The following ALG13 variants were observed in gnomAD, a reference collection of about 807,000 sequenced individuals.
ALG13 encodes the protein UDP-N-acetylglucosamine transferase subunit ALG13.
Under a neutral mutation model 87.8 loss-of-function variants are expected in ALG13, and 11 were observed. The observed-to-expected ratio is 0.13, with a 90% CI of 0.08 to 0.21. The LOEUF (loss-of-function observed/expected upper bound fraction) is 0.21. ALG13 is among the 10% of genes least tolerant of loss of function. The pLI is 1.00. For missense variants in ALG13, 756 were observed against 866.1 expected (o/e 0.87, Z 1.60); for synonymous variants, 320 against 306.3 (o/e 1.04, Z -0.47).
At chrX:111,733,054 A>G (rs1481980077) in intron 21 of ALG13, among the ~76,000 whole-genome samples, 1 of 111,656 alleles carries the variant, frequency 9.0e-6, no homozygotes, top group Non-Finnish European at 1.9e-5. Context: ...CACCAAATCC[A>G]TAGCAAATTT....
At position 111,714,680 on chromosome X, in the gene ALG13, A is replaced by C. The variant is rs186109648; in HGVS notation, c.1005+1383A>C. Among the ~76,000 whole-genome samples the C allele has an allele frequency of 2.5e-3, 276 of 111,931 alleles. 3 individuals are homozygous for C. The highest frequency in any genetic ancestry group is 8.7e-3 in the African/African-American group (267 of 30,810). On this transcript the variant is annotated intron_variant, in intron 8 of 26. Coordinates refer to ENST00000394780, the MANE Select transcript of ALG13 (RefSeq NM_001099922.3). ...AAGTTAAAAGAATTTTACAGTGAGC[A>C]TCCATATACCTACCCACCACCTAGA...
chrX:111,707,108 A>C (rs943617962), intron 3 of ALG13, among the ~76,000 whole-genome samples: 3 of 111,460 alleles, frequency 2.7e-5, no homozygotes, highest in Non-Finnish European at 5.7e-5. Context: ...TAAAACAAGC[A>C]ATTGGGCCTG....
At chrX:111,728,875 A>C (rs373651882) in intron 19 of ALG13, among the ~76,000 whole-genome samples, 1 of 111,615 alleles carries the variant, frequency 9.0e-6, no homozygotes, top group African/African-American at 3.3e-5. Context: ...TGAGATTCAG[A>C]GGGTAAATGA....
At chrX:111,702,322 A>G (rs969884963) in intron 3 of ALG13, among the ~76,000 whole-genome samples, 1 of 111,172 alleles carries the variant, frequency 9.0e-6, no homozygotes, top group African/African-American at 3.3e-5. Context: ...TTTCCTTCCT[A>G]TCCTCCTAAT....
intron 23 of ALG13, among the ~76,000 whole-genome samples, chrX:111,739,647 A>G (rs1244414172): frequency 8.9e-6 from 1 of 112,490 alleles, no homozygotes; most frequent in Non-Finnish European, 1.9e-5. Flanking sequence ...TATGTGAACC[A>G]GCAATTTTGT....
chrX:111,750,187 TCTA>T (rs1178944562), intron 24 of ALG13, among the ~76,000 whole-genome samples: 5 of 111,622 alleles, frequency 4.5e-5, no homozygotes, highest in African/African-American at 1.6e-4. Flanking sequence ...CCATCTAAGT[TCTA>T]CTAACCCCGA....
chrX:111,707,928 G>A, intron 3 of ALG13, 99 bp from the exon 4 acceptor site: 1 of 925,639 alleles, frequency 1.1e-6, no homozygotes, highest in Non-Finnish European at 1.4e-6. Context: ...TCTTTCCCAA[G>A]GAGGTAACTC....
intron 3 of ALG13, among the ~76,000 whole-genome samples, chrX:111,692,194 T>C (rs1936266759): frequency 8.9e-6 from 1 of 112,087 alleles, no homozygotes; most frequent in Admixed American, 9.5e-5. Flanking sequence ...TAACTCTGTC[T>C]CCAACCCCTT....
chrX:111,710,402 A>G (rs1466218360), intron 5 of ALG13, among the ~76,000 whole-genome samples: 1 of 111,577 alleles, frequency 9.0e-6, no homozygotes, highest in Non-Finnish European at 1.9e-5. Context: ...TTTGAGTAAC[A>G]AAGATGTGTG....
In ALG13 at chrX:111,751,392, C is replaced by T. The variant is rs140755326; in HGVS notation, c.2933-1398C>T. ...ATAAGCATAACGCCCAGTACATAAG[C>T]ATATTTACTGGGAAACCAAAAAATT... On this transcript the variant is annotated intron_variant, in intron 24 of 26. Transcript: ENST00000394780. 3.9e-3 allele frequency among the ~76,000 whole-genome samples: 441 copies of T among 112,033 alleles called. 1 individual carries two copies. Among genetic ancestry groups the T allele is most frequent in the Non-Finnish European group, 6.4e-3 (342 of 53,192 alleles).
At chrX:111,721,088 ATTCT>A (rs1312938731) in intron 11 of ALG13, among the ~76,000 whole-genome samples, 1 of 94,395 alleles carries the variant, frequency 1.1e-5, no homozygotes, top group Non-Finnish European at 2.1e-5. Context: ...AAGAAACTTA[ATTCT>A]TCCTTCTTCA....
At chrX:111,698,209 A>G (rs1937230672) in intron 3 of ALG13, among the ~76,000 whole-genome samples, 1 of 111,530 alleles carries the variant, frequency 9.0e-6, no homozygotes, top group South Asian at 3.7e-4. Flanking sequence ...ACCTTCCTAC[A>G]TGGAAGAGGA....
intron 12 of ALG13, 101 bp from the exon 13 acceptor site, chrX:111,722,692 A>G (rs1407537029): frequency 1.9e-6 from 1 of 538,297 alleles, no homozygotes; most frequent in Non-Finnish European, 3.2e-6. Context: ...TTATAGTGGT[A>G]GCGTTGTCAA....
intron 3 of ALG13, among the ~76,000 whole-genome samples, chrX:111,694,922 A>G (rs1936735546): frequency 8.9e-6 from 1 of 112,221 alleles, no homozygotes; most frequent in Admixed American, 9.5e-5. Flanking sequence ...GCATGTTTTA[A>G]AAATTAAAAA....
intron 3 of ALG13, chrX:111,688,864 T>G (rs1272413999): frequency 1.3e-6 from 1 of 750,847 alleles, no homozygotes; most frequent in African/African-American, 2.3e-5. Flanking sequence ...CTGATTAGAG[T>G]GTGTGGTCTC....
rs140193860 is a variant in ALG13, at chrX:111,691,917, A to C, written c.383+6814A>C. 5.7e-3 allele frequency among the ~76,000 whole-genome samples: 642 copies of C among 111,948 alleles called. 3 individuals are homozygous for C. The highest frequency in any genetic ancestry group is 0.02 in the African/African-American group (619 of 30,795). ...TTCTTTTTTCTTAGTTGTATTTTAA[A>C]GTTTCATTTTGGTCCTTGCTTTATT... is the stretch of plus-strand genomic sequence containing the variant. On this transcript the variant is annotated intron_variant, in intron 3 of 26. Transcript: ENST00000394780.
Position 111,760,006 on chromosome X carries a change from G to GC in ALG13, c.*8dup, listed in dbSNP as rs1431685847. ...TGTACCTCAGGGTATGTAAGATCCA[G>GC]CAGTATGAAGTATTCTTGCACTGCC... is the stretch of plus-strand genomic sequence containing the variant. On this transcript the variant is annotated 3_prime_UTR_variant, in exon 27 of 27. Coordinates refer to ENST00000394780, the MANE Select transcript of ALG13 (RefSeq NM_001099922.3). 8.3e-7 allele frequency: 1 copy of GC among 1,204,062 alleles called. No homozygotes were observed. The highest frequency in any genetic ancestry group is 1.1e-6 in the Non-Finnish European group (1 of 892,101).
intron 5 of ALG13, chrX:111,711,228 G>C (rs1939719239): frequency 8.8e-6 from 1 of 113,859 alleles, no homozygotes; most frequent in South Asian, 3.7e-4. Flanking sequence ...TCAAGATATA[G>C]AATGTTTCCG....
In ALG13 at chrX:111,759,317, A is replaced by T. The variant is rs999805294; in HGVS notation, c.3149-417A>T. 2.7e-5 allele frequency among the ~76,000 whole-genome samples: 3 copies of T among 111,193 alleles called. No homozygotes were observed. In the Admixed American group the frequency reaches 2.9e-4, roughly 11 times the overall value. ...GTTCTTCAGAGCTATACTTTCAGGT[A>T]TAGACCAGAATGTCTAGACACCTGA... On this transcript the variant is annotated intron_variant, in intron 26 of 26. Coordinates refer to ENST00000394780, the MANE Select transcript of ALG13 (RefSeq NM_001099922.3).
Sources: allele counts gnomAD v4.1 joint callset (sites outside exome capture counted in the v4.1 genomes callset), GRCh38; gene constraint gnomAD v4.1.1; transcripts MANE v1.5; gene names NCBI Gene and HGNC (gene_info 2026-07-23, HGNC 2026-07-21).